Variants in CA13 observed in about 807,000 individuals in gnomAD.
The protein encoded by CA13 is carbonic anhydrase 13.
CA13 carries 21 observed loss-of-function variants against 31.5 expected under a neutral mutation model. The ratio of observed to expected loss-of-function variants is 0.67; its 90% CI spans 0.47 to 0.96. CA13 has a LOEUF of 0.96. Among genes scored for constraint, CA13 ranks in the 40% least tolerant of loss-of-function variants. The pLI, the probability that CA13 is intolerant of heterozygous loss-of-function variation, is 0.00. For missense variants in CA13, 315 were observed against 318.9 expected (o/e 0.99, Z 0.09); for synonymous variants, 117 against 111.4 (o/e 1.05, Z -0.32).
At chr8:85,278,434 C>G (rs189550276) in intron 6 of CA13, among the ~76,000 whole-genome samples, 1 of 152,018 alleles carries the variant, frequency 6.6e-6, no homozygotes, top group Non-Finnish European at 1.5e-5. Flanking sequence ...GTGAGACATG[C>G]GTGTGGACAT....
chr8:85,245,577 C>G lies in CA13; in HGVS notation c.-252C>G, dbSNP rs1813707730. 1 of 532,248 alleles carries G rather than the reference C, an allele frequency of 1.9e-6. No individual in the cohort carries two copies. The highest frequency in any genetic ancestry group is 2.3e-5 in the South Asian group (1 of 44,394). 33.0% of individuals were successfully genotyped at this position (532,248 alleles called of 1,614,324 possible). ...CCGTCTCTCCCTCTAACTCAAATCT[C>G]TCATTCCCGAGTCCAAACTAAGAGA... On this transcript the variant is annotated 5_prime_UTR_variant, in exon 1 of 7. Coordinates refer to ENST00000321764, the MANE Select transcript of CA13 (RefSeq NM_198584.3).
Position 85,253,252 on chromosome 8 carries a change from C to CTTAT in CA13, c.235+2338_235+2341dup, listed in dbSNP as rs140596684. 8.1e-3 allele frequency among the ~76,000 whole-genome samples: 1,208 copies of CTTAT among 149,622 alleles called. 32 individuals carry two copies. In the East Asian group the frequency reaches 0.087, roughly 11 times the overall value. ...GAGCCACTGCGCCCAGCCTTTTTTT[C>CTTAT]TTATTTATTTATTTATTTATTTATT... is the stretch of plus-strand genomic sequence containing the variant. On this transcript the variant is annotated intron_variant, in intron 2 of 6. Coordinates refer to ENST00000321764, the MANE Select transcript of CA13 (RefSeq NM_198584.3).
chr8:85,248,190 G>T (rs1405739079), intron 1 of CA13, among the ~76,000 whole-genome samples: 4 of 152,160 alleles, frequency 2.6e-5, no homozygotes, highest in Non-Finnish European at 5.9e-5. Flanking sequence ...GGGCACGGTG[G>T]CTCATGCCTG....
Position 85,281,483 on chromosome 8 carries a change from G to A in CA13, c.*134G>A. On this transcript the variant is annotated 3_prime_UTR_variant, in exon 7 of 7. Coordinates refer to ENST00000321764, the MANE Select transcript of CA13 (RefSeq NM_198584.3). Reference sequence around the variant, plus strand: ...GAAACATTTTAGTATGAGCTTCAGTGTCACAAAGAAAACCAGATCTCTCTC... The same window carrying A: ...GAAACATTTTAGTATGAGCTTCAGTATCACAAAGAAAACCAGATCTCTCTC... 3 of 1,414,094 alleles carry A rather than the reference G, an allele frequency of 2.1e-6. No individual in the cohort carries two copies. The highest frequency in any genetic ancestry group is 2.8e-6 in the Non-Finnish European group (3 of 1,077,760). The allele number at this position is 1,414,094 out of a possible 1,614,324, so 87.6% of individuals were successfully genotyped here.
chr8:85,248,146 C>T (rs1373288393), intron 1 of CA13, among the ~76,000 whole-genome samples: 1 of 152,080 alleles, frequency 6.6e-6, no homozygotes, highest in Non-Finnish European at 1.5e-5. Context: ...GTTGAGCAAC[C>T]ACCACATATC....
chr8:85,267,136 A>T, intron 4 of CA13: 1 of 503,372 alleles, frequency 2.0e-6, no homozygotes, highest in Non-Finnish European at 2.6e-6. Flanking sequence ...TCTAACGTTC[A>T]CATGTGGTTA....
At chr8:85,277,979 A>G (rs1469349883) in intron 6 of CA13, among the ~76,000 whole-genome samples, 2 of 151,768 alleles carry the variant, frequency 1.3e-5, no homozygotes, top group Non-Finnish European at 2.9e-5. Flanking sequence ...ATTCCCTTAA[A>G]CTTTCAGGCC....
chr8:85,275,800 G>T (rs974108122), intron 6 of CA13, among the ~76,000 whole-genome samples: 6 of 152,184 alleles, frequency 3.9e-5, no homozygotes, highest in African/African-American at 1.2e-4. Context: ...CTCGATCAAG[G>T]TTCCATAACA....
chr8:85,246,612 ACTTTT>A (rs1813735974), intron 1 of CA13: 8 of 424,804 alleles, frequency 1.9e-5, no homozygotes, highest in South Asian at 1.3e-4. Flanking sequence ...AATGACATAC[ACTTTT>A]CTTCTTGTAT....
Position 85,283,383 on chromosome 8 carries a change from T to G in CA13, c.*2034T>G, listed in dbSNP as rs1218525323. The G allele has an allele frequency of 6.6e-6, 1 of 152,246 alleles. No individual in the cohort carries two copies. The highest frequency in any genetic ancestry group is 1.5e-5 in the Non-Finnish European group (1 of 68,044). 9.4% of individuals were successfully genotyped at this position (152,246 alleles called of 1,614,324 possible). ...TGTTCTTTTCCCCTCAGTGTCTAGTTTAAGGCTTTTAGAAGATTGATCTGT... is the reference window on the plus strand; with the variant it reads ...TGTTCTTTTCCCCTCAGTGTCTAGTGTAAGGCTTTTAGAAGATTGATCTGT... On this transcript the variant is annotated 3_prime_UTR_variant, in exon 7 of 7. Transcript: ENST00000321764.
At chr8:85,249,436 A>G (rs1322909180) in intron 1 of CA13, among the ~76,000 whole-genome samples, 1 of 151,090 alleles carries the variant, frequency 6.6e-6, no homozygotes, top group African/African-American at 2.4e-5. Flanking sequence ...TTGAGGCTGC[A>G]GTGAGCTGAG....
chr8:85,262,210 G>A (rs1807392313), intron 3 of CA13, among the ~76,000 whole-genome samples: 1 of 43,474 alleles, frequency 2.3e-5, no homozygotes. Flanking sequence ...CTTTCACTCA[G>A]TAAGAATTCA....
At chr8:85,265,543 T>G (rs1288756078) in intron 3 of CA13, among the ~76,000 whole-genome samples, 3 of 151,434 alleles carry the variant, frequency 2.0e-5, no homozygotes, top group Non-Finnish European at 4.4e-5. Context: ...GCCCCCCACC[T>G]CCTTCCCTTC....
intron 2 of CA13, among the ~76,000 whole-genome samples, chr8:85,254,503 A>G (rs2129956790): frequency 6.6e-6 from 1 of 151,998 alleles, no homozygotes; most frequent in South Asian, 2.1e-4. Context: ...AGTGAAATCA[A>G]TTTATGTTTC....
At chr8:85,249,865 T>TTA in intron 1 of CA13, 1 of 447,012 alleles carries the variant, frequency 2.2e-6, no homozygotes, top group Non-Finnish European at 4.5e-6. Context: ...AGGCAAGACT[T>TTA]TATAGAGTCT....
At chr8:85,274,279 T>C (rs2130000130) in intron 6 of CA13, among the ~76,000 whole-genome samples, 1 of 152,216 alleles carries the variant, frequency 6.6e-6, no homozygotes, top group African/African-American at 2.4e-5. Flanking sequence ...TTTTTTGGGG[T>C]ATTCTTGAGA....
intron 3 of CA13, among the ~76,000 whole-genome samples, chr8:85,263,820 A>G (rs1365714406): frequency 6.6e-6 from 1 of 152,100 alleles, no homozygotes; most frequent in African/African-American, 2.4e-5. Context: ...AAGGCTGGAG[A>G]TGGGGGCATT....
chr8:85,261,254 GATA>G (rs1466806751), intron 3 of CA13, among the ~76,000 whole-genome samples: 8 of 152,118 alleles, frequency 5.3e-5, no homozygotes, highest in African/African-American at 1.9e-4. Context: ...CAACATTACA[GATA>G]ATTATTTTCC....
intron 6 of CA13, among the ~76,000 whole-genome samples, chr8:85,276,241 C>T (rs895132228): frequency 1.3e-5 from 2 of 152,182 alleles, no homozygotes; most frequent in Non-Finnish European, 2.9e-5. Flanking sequence ...CTCGCCCGGC[C>T]TTAGCTGCCT....
Sources: gnomAD v4.1 joint callset for allele counts (sites outside exome capture counted in the v4.1 genomes callset) on GRCh38, gnomAD v4.1.1 for gene constraint, MANE v1.5 for transcripts, NCBI Gene and HGNC (gene_info 2026-07-23, HGNC 2026-07-21) for gene names.